HSPG2: variants seen among roughly 807,000 people sequenced by gnomAD.
The protein encoded by HSPG2 is heparan sulfate proteoglycan 2, also known as basement membrane-specific heparan sulfate proteoglycan core protein.
Under a neutral mutation model 526.6 loss-of-function variants are expected in HSPG2, and 278 were observed. The observed-to-expected ratio is 0.53, with a 90% CI of 0.48 to 0.58. HSPG2 has a LOEUF of 0.58. Ranked by LOEUF, HSPG2 falls within the 20% of genes least tolerant of loss-of-function variation. The pLI, the probability that HSPG2 is intolerant of heterozygous loss-of-function variation, is 0.00. For synonymous variants in HSPG2, 2,465 were observed against 2,555.4 expected, an observed-to-expected ratio of 0.96 and a Z score of 1.07; for missense variants, 5,354 against 6,099.5, an observed-to-expected ratio of 0.88 and a Z score of 4.07.
Position 21,880,152 on chromosome 1 carries a change from G to C in HSPG2, c.2298C>G (p.Cys766Trp). 1 of 1,614,134 alleles carries C rather than the reference G, an allele frequency of 6.2e-7. No individual in the cohort carries two copies. Among genetic ancestry groups the C allele is most frequent in the Non-Finnish European group, 8.5e-7 (1 of 1,179,996 alleles). Residue 766 changes from cysteine to tryptophan, a missense_variant, in exon 17 of 97, where the codon TGC becomes TGG. By Grantham distance (215) the Cys-to-Trp change is radical (BLOSUM62 -2). Coordinates refer to ENST00000374695, the MANE Select transcript of HSPG2 (RefSeq NM_005529.7). ...GGTCACAGGAGCTGGCATGGCCATT[G>C]CAATTGCAACCAGAGCAGGTGCCCA... ...PYLGTCSGCN[C>W]NGHASSCDPV...
rs539283519 is a variant in HSPG2 at position 21,876,285 on chromosome 1, T to G, written c.2947A>C (p.Arg983=). 3 of 1,613,950 alleles carry G rather than the reference T, an allele frequency of 1.9e-6. No homozygotes were observed. In the African/African-American group the frequency reaches 4.0e-5, roughly 22 times the overall value. The change falls in exon 23 of 97, where the codon AGA becomes CGA. Residue 983 remains arginine (R), a synonymous_variant. Transcript: ENST00000374695. ...CAGAAGTAGGGTCCAGATAAGAGTCTGTGGAAGGAGGAGAATCCCAGTTCC... is the reference window on the plus strand; with the variant it reads ...CAGAAGTAGGGTCCAGATAAGAGTCGGTGGAAGGAGGAGAATCCCAGTTCC... The part of the protein sequence containing the change: ...PGELGFSSFH[R]LLSGPYFWSL...
chr1:21,888,814 G>C (rs1230606165), intron 6 of HSPG2: 1 of 881,636 alleles, frequency 1.1e-6, no homozygotes, highest in Admixed American at 2.9e-5. Flanking sequence ...TAGCCAGGAG[G>C]ACTTATTGAA....
chr1:21,874,161 G>T, intron 28 of HSPG2, 150 bp from the exon 29 acceptor site: 2 of 840,426 alleles, frequency 2.4e-6, no homozygotes, highest in Non-Finnish European at 3.8e-6. Flanking sequence ...ACTGTGCTAA[G>T]AGTTCCACAT....
At chr1:21,897,936 C>G (rs953712802) in intron 1 of HSPG2, among the ~76,000 whole-genome samples, 2 of 152,164 alleles carry the variant, frequency 1.3e-5, no homozygotes, top group Admixed American at 1.3e-4. Flanking sequence ...TCACAGTGAC[C>G]TCAACCCCAG....
At chr1:21,905,981 G>A (rs1174884796) in intron 1 of HSPG2, among the ~76,000 whole-genome samples, 1 of 152,238 alleles carries the variant, frequency 6.6e-6, no homozygotes, top group Non-Finnish European at 1.5e-5. Context: ...CTGTACTCCA[G>A]TCCGGATAAA....
chr1:21,911,369 CA>C (rs1288374319), intron 1 of HSPG2, among the ~76,000 whole-genome samples: 1 of 152,010 alleles, frequency 6.6e-6, no homozygotes, highest in African/African-American at 2.4e-5. Context: ...GGAGAATGGG[CA>C]GGCTGGGAAG....
intron 33 of HSPG2, chr1:21,869,684 G>A: frequency 1.0e-6 from 1 of 986,154 alleles, no homozygotes; most frequent in Non-Finnish European, 1.2e-6. Flanking sequence ...AGGAGCCGAA[G>A]AGCGGCAGAA....
rs533716947 is a variant in HSPG2 at position 21,890,470 on chromosome 1, A to C, written c.370T>G (p.Leu124Val). ...ACAACCTGGTCTCCGGGAATTTTCA[A>C]GTACTCCGACTCCAGCTGGGGAGGG... ...AVVDTLESEY[L>V]KIPGDQVVSV... Residue 124 changes from leucine to valine, a missense_variant, in exon 5 of 97, where the codon TTG becomes GTG. Coordinates refer to ENST00000374695, the MANE Select transcript of HSPG2 (RefSeq NM_005529.7). This position sits in a 1 kb window ranked among gnomAD's most constrained non-coding sequence, Gnocchi z 4.1. 1.2e-6 allele frequency: 2 copies of C among 1,613,870 alleles called. No individual in the cohort carries two copies. The highest frequency in any genetic ancestry group is 2.2e-5 in the South Asian group (2 of 91,068).
At chr1:21,867,119 A>ACTTT (rs1640300042) in intron 33 of HSPG2, among the ~76,000 whole-genome samples, 2 of 4,874 alleles carry the variant, frequency 4.1e-4, no homozygotes, top group African/African-American at 8.1e-4. Context: ...TTGCTCAGGC[A>ACTTT]CTTTTTTTTT....
At chr1:21,849,106 C>T in intron 57 of HSPG2, 75 bp from the exon 58 acceptor site, 1 of 1,537,606 alleles carries the variant, frequency 6.5e-7, no homozygotes, top group Non-Finnish European at 8.9e-7. Flanking sequence ...GTTCCCTTCC[C>T]TGGTGCCACT....
chr1:21,893,053 C>T lies in HSPG2; in HGVS notation c.245-2359G>A, dbSNP rs573412963. Among the ~76,000 whole-genome samples the T allele has an allele frequency of 3.3e-5, 5 of 152,180 alleles. No homozygotes were observed. The East Asian group carries it at 9.7e-4, about 29-fold the overall frequency. ...CCGGGAGAGGGAGACAGCTGCCCTG[C>T]ACTCAGGGTAGAAGTGGGGGCTGCA... is the stretch of plus-strand genomic sequence containing the variant. On this transcript the variant is annotated intron_variant, in intron 3 of 96. Coordinates refer to ENST00000374695, the MANE Select transcript of HSPG2 (RefSeq NM_005529.7). This position sits in a 1 kb window ranked among gnomAD's most constrained non-coding sequence, Gnocchi z 4.3.
At chr1:21,857,840 T>C (rs1433771808) in intron 42 of HSPG2, among the ~76,000 whole-genome samples, 3 of 152,154 alleles carry the variant, frequency 2.0e-5, no homozygotes, top group African/African-American at 4.8e-5. Flanking sequence ...TCAGGAGTTT[T>C]CCCAGCCTCT....
At position 21,878,995 on chromosome 1, in the gene HSPG2, T is replaced by A. The variant is rs761105713; in HGVS notation, c.2470A>T (p.Arg824Ter). 1 of 1,613,542 alleles carries A rather than the reference T, an allele frequency of 6.2e-7. No homozygotes were observed. Among genetic ancestry groups the A allele is most frequent in the African/African-American group, 1.3e-5 (1 of 74,922 alleles). ...CCCTGACCCGGAGCTGGGGCTGACCTGCGGGAGGCATCGATGTATGGGCAA... is the reference window on the plus strand; with the variant it reads ...CCCTGACCCGGAGCTGGGGCTGACCAGCGGGAGGCATCGATGTATGGGCAA... Reference protein sequence around the residue: ...CPCPYIDASRRFSDTCFLDTD... With the variant: ...CPCPYIDASR The change falls in exon 18 of 97, where the codon AGA becomes TGA. Residue 824 changes from arginine (R) to a stop codon, truncating the protein, a stop_gained and splice_region_variant. Transcript: ENST00000374695. LOFTEE classifies it high-confidence loss of function.
intron 1 of HSPG2, among the ~76,000 whole-genome samples, chr1:21,933,804 G>A (rs533777250): frequency 3.3e-5 from 5 of 152,330 alleles, no homozygotes; most frequent in East Asian, 1.9e-4. Context: ...ATCCTGTGCC[G>A]GCTGCAGGTA....
At chr1:21,874,848 C>A (rs1474724702) in intron 26 of HSPG2, 43 bp downstream of exon 26, 8 of 1,554,880 alleles carry the variant, frequency 5.1e-6, no homozygotes, top group Non-Finnish European at 6.2e-6. Context: ...CGGGAAGCAC[C>A]ATGGAGGGGG....
intron 66 of HSPG2, 37 bp downstream of exon 66, chr1:21,843,260 T>C (rs2098057064): frequency 1.9e-6 from 3 of 1,613,412 alleles, no homozygotes; most frequent in Non-Finnish European, 2.5e-6. Context: ...GCCCCGCGCC[T>C]GTGCTCTGGC....
chr1:21,924,429 A>G (rs953099489), intron 1 of HSPG2, among the ~76,000 whole-genome samples: 3 of 152,182 alleles, frequency 2.0e-5, no homozygotes, highest in African/African-American at 7.2e-5. Flanking sequence ...GATTGGTGAT[A>G]TGGTGGGCTC....
chr1:21,863,744 C>T (rs374215579), intron 37 of HSPG2, among the ~76,000 whole-genome samples: 37 of 151,370 alleles, frequency 2.4e-4, no homozygotes, highest in Non-Finnish European at 3.5e-4. Flanking sequence ...TGGTGGCTCA[C>T]GCCTGTAATC....
chr1:21,839,084 G>T lies in HSPG2; in HGVS notation c.9891C>A (p.Ser3297Arg). The T allele has an allele frequency of 6.3e-7, 1 of 1,577,698 alleles. No individual in the cohort carries two copies. The highest frequency in any genetic ancestry group is 1.2e-5 in the South Asian group (1 of 85,766). Reference sequence around the variant, plus strand: ...CTGGGACCGTGGTGGCATATGGTGGGCCTGAGTGGGGGGACACAGAGGTCA... The same window carrying T: ...CTGGGACCGTGGTGGCATATGGTGGTCCTGAGTGGGGGGACACAGAGGTCA... ...AEATIILHVE[S>R]PPYATTVPEH... Residue 3297 changes from serine (S) to arginine (R), a missense_variant and splice_region_variant, in exon 74 of 97, where the codon AGC (serine) becomes AGA (arginine). Transcript: ENST00000374695. This position sits in a 1 kb window ranked among gnomAD's most constrained non-coding sequence, Gnocchi z 4.5.
Sources: gnomAD v4.1 joint callset for allele counts (sites outside exome capture counted in the v4.1 genomes callset) on GRCh38, gnomAD v4.1.1 for gene constraint, Gnocchi (gnomAD v3.1) non-coding constraint, MANE v1.5 for transcripts, NCBI Gene and HGNC (gene_info 2026-07-23, HGNC 2026-07-21) for gene names.